Variants in GADL1 observed in about 807,000 individuals in gnomAD.
The protein encoded by GADL1 is GAD like acidic amino acid decarboxylase 1.
In GADL1, 71 loss-of-function variants were observed where a neutral mutation model predicts 69.5. That is an observed-to-expected ratio of 1.02 (90% CI 0.84 to 1.25). GADL1 has a LOEUF of 1.25. Among genes scored for constraint, GADL1 ranks in the 50% most tolerant of loss-of-function variants. The probability of loss-of-function intolerance (pLI) is 0.00; values close to 1 mark genes in which losing one functional copy is unlikely to be tolerated. For synonymous variants in GADL1, 254 were observed against 214.4 expected (o/e 1.18, Z -1.62); for missense variants, 737 against 631.8 (o/e 1.17, Z -1.79).
At chr3:30,872,199 C>T (rs1698502933) in intron 1 of GADL1, among the ~76,000 whole-genome samples, 1 of 151,866 alleles carries the variant, frequency 6.6e-6, no homozygotes, top group Non-Finnish European at 1.5e-5. Context: ...TTAACATAGC[C>T]ATTTAGTAAA....
At chr3:30,835,966 C>T (rs958274107) in intron 9 of GADL1, among the ~76,000 whole-genome samples, 5 of 152,104 alleles carry the variant, frequency 3.3e-5, no homozygotes, top group African/African-American at 1.2e-4. Context: ...CAGCCTACAA[C>T]TGAGGATCTC....
chr3:30,727,072 A>G lies in GADL1; in HGVS notation c.*1170T>C, dbSNP rs1695377460. The stretch of plus-strand genomic sequence containing the variant: ...CTCAAGCTAAAAGAGGAACACAGAA[A>G]CATATATGTGTGTATATATATATAT... On this transcript the variant is annotated 3_prime_UTR_variant, in exon 15 of 15. Transcript: ENST00000282538. 6.6e-6 allele frequency: 1 copy of G among 151,670 alleles called. No individual in the cohort carries two copies. Among genetic ancestry groups the G allele is most frequent in the Non-Finnish European group, 1.5e-5 (1 of 67,812 alleles). The allele number at this position is 151,670 out of a possible 1,614,324, so 9.4% of individuals were successfully genotyped here. A position where few individuals can be genotyped will look rare whatever the true frequency, so the allele number is the denominator to read the frequency against.
At chr3:30,843,017 A>AT (rs1337769342) in intron 8 of GADL1, among the ~76,000 whole-genome samples, 1 of 152,070 alleles carries the variant, frequency 6.6e-6, no homozygotes, top group Non-Finnish European at 1.5e-5. Context: ...AAAACATTAA[A>AT]AAACCCATCC....
At chr3:30,798,548 T>G (rs945407969) in intron 12 of GADL1, 2 of 151,932 alleles carry the variant, frequency 1.3e-5, no homozygotes, top group African/African-American at 4.8e-5. Context: ...ATTATGGGAG[T>G]AGAATTCAAG....
rs903858217 is a variant in GADL1, at chr3:30,726,995, C to A, written c.*1247G>T. 6 of 152,210 alleles carry A rather than the reference C, an allele frequency of 3.9e-5. No homozygotes were observed. The highest frequency in any genetic ancestry group is 1.5e-4 in the African/African-American group (6 of 41,272). The allele number at this position is 152,210 out of a possible 1,614,324, so 9.4% of individuals were successfully genotyped here. On this transcript the variant is annotated 3_prime_UTR_variant, in exon 15 of 15. Transcript: ENST00000282538. ...AAAGGGAATGTTGTACAACCCTGGA[C>A]TTCATTGTGTTTATTCCCTATGAGG...
At chr3:30,787,024 C>A (rs1696807908) in intron 12 of GADL1, among the ~76,000 whole-genome samples, 1 of 151,976 alleles carries the variant, frequency 6.6e-6, no homozygotes, top group Non-Finnish European at 1.5e-5. Context: ...GGGAGGGGAG[C>A]AACACACACT....
intron 2 of GADL1, 39 bp downstream of exon 2, chr3:30,861,554 T>C (rs1698321055): frequency 6.8e-7 from 1 of 1,461,164 alleles, no homozygotes; most frequent in Non-Finnish European, 9.3e-7. Context: ...ACATCTATCT[T>C]TCCCATTTCT....
intron 1 of GADL1, among the ~76,000 whole-genome samples, chr3:30,869,159 TA>T: frequency 6.6e-6 from 1 of 151,862 alleles, no homozygotes; most frequent in Non-Finnish European, 1.5e-5. Context: ...AATTGAGATT[TA>T]AAAAAACTGA....
intron 1 of GADL1, among the ~76,000 whole-genome samples, chr3:30,885,698 A>T (rs1698694433): frequency 6.6e-6 from 1 of 151,904 alleles, no homozygotes; most frequent in Non-Finnish European, 1.5e-5. Context: ...TATCTTTCAA[A>T]CTACTATAAA....
intron 14 of GADL1, among the ~76,000 whole-genome samples, chr3:30,771,624 C>T (rs779045507): frequency 3.6e-5 from 5 of 137,560 alleles, no homozygotes; most frequent in Non-Finnish European, 7.4e-5. Context: ...GAAGGATATA[C>T]TATAAATTCT....
chr3:30,863,061 T>A (rs1575239365), intron 1 of GADL1, among the ~76,000 whole-genome samples: 1 of 149,468 alleles, frequency 6.7e-6, no homozygotes, highest in Non-Finnish European at 1.5e-5. Flanking sequence ...ACACTCTCTC[T>A]CACACTCACA....
chr3:30,817,770 C>T (rs1697500052), intron 11 of GADL1, among the ~76,000 whole-genome samples: 1 of 152,166 alleles, frequency 6.6e-6, no homozygotes, highest in Non-Finnish European at 1.5e-5. Context: ...CACTATGGTG[C>T]TGTCTAAGAC....
chr3:30,738,968 T>A (rs1434441992), intron 14 of GADL1, among the ~76,000 whole-genome samples: 1 of 152,224 alleles, frequency 6.6e-6, no homozygotes, highest in Non-Finnish European at 1.5e-5. Context: ...TACAATTTTC[T>A]CTTTTGATTT....
intron 11 of GADL1, 78 bp from the exon 12 acceptor site, chr3:30,801,166 A>G: frequency 9.8e-7 from 1 of 1,021,054 alleles, no homozygotes; most frequent in Non-Finnish European, 1.5e-6. Context: ...ATGTACACAC[A>G]CAATGTGTAT....
At chr3:30,801,234 G>C in intron 11 of GADL1, 146 bp from the exon 12 acceptor site, 1 of 635,004 alleles carries the variant, frequency 1.6e-6, no homozygotes, top group South Asian at 1.9e-5. Context: ...GACACAATCA[G>C]TGTACATTGA....
chr3:30,730,191 T>C (rs1695434783), intron 14 of GADL1, among the ~76,000 whole-genome samples: 1 of 152,206 alleles, frequency 6.6e-6, no homozygotes, highest in African/African-American at 2.4e-5. Flanking sequence ...CTTATACATA[T>C]CTGCTTCAAA....
At chr3:30,764,107 AC>A (rs1376027810) in intron 14 of GADL1, among the ~76,000 whole-genome samples, 7 of 152,108 alleles carry the variant, frequency 4.6e-5, no homozygotes, top group African/African-American at 1.7e-4. Flanking sequence ...ATGCAAATGT[AC>A]ATTATATATA....
chr3:30,838,980 C>T lies in GADL1; in HGVS notation c.903+17G>A, dbSNP rs767275873. The stretch of plus-strand genomic sequence containing the variant: ...AGACCAAAGGTTAAACAGGTATGTA[C>T]ACATAAATGAACTTACATCTACATG... On this transcript the variant is annotated intron_variant, in intron 9 of 14. Transcript: ENST00000282538. The T allele has an allele frequency of 2.1e-6, 3 of 1,453,402 alleles. No homozygotes were observed. 90.0% of individuals were successfully genotyped at this position (1,453,402 alleles called of 1,614,324 possible).
intron 1 of GADL1, among the ~76,000 whole-genome samples, chr3:30,885,979 A>G (rs965167315): frequency 1.1e-4 from 17 of 152,098 alleles, no homozygotes; most frequent in Non-Finnish European, 2.1e-4. Flanking sequence ...CAGAGAAAAG[A>G]AATAATTGCC....
Sources: gnomAD v4.1 joint callset for allele counts (sites outside exome capture counted in the v4.1 genomes callset) on GRCh38, gnomAD v4.1.1 for gene constraint, MANE v1.5 for transcripts, NCBI Gene and HGNC (gene_info 2026-07-23, HGNC 2026-07-21) for gene names.